PTPRZ1: variants seen among roughly 807,000 people sequenced by gnomAD.
PTPRZ1 encodes the protein receptor-type tyrosine-protein phosphatase zeta.
PTPRZ1 carries 82 observed loss-of-function variants against 214.1 expected under a neutral mutation model. That is an observed-to-expected ratio of 0.38 (90% CI 0.32 to 0.46). The LOEUF (loss-of-function observed/expected upper bound fraction) is 0.46. PTPRZ1 is among the 20% of genes least tolerant of loss of function. The pLI is 1.00. For missense variants in PTPRZ1, 2,603 were observed against 2,748.7 expected, an observed-to-expected ratio of 0.95 and a Z score of 1.19; for synonymous variants, 945 against 987.9, an observed-to-expected ratio of 0.96 and a Z score of 0.81.
At chr7:122,013,978 G>A in intron 12 of PTPRZ1, 89 bp downstream of exon 12, 1 of 1,146,628 alleles carries the variant, frequency 8.7e-7, no homozygotes, top group Non-Finnish European at 1.2e-6. Context: ...TAGAAATTTG[G>A]TAAAATGGTA....
At chr7:121,952,240 G>C (rs1323637966) in intron 2 of PTPRZ1, among the ~76,000 whole-genome samples, 1 of 149,930 alleles carries the variant, frequency 6.7e-6, no homozygotes, top group Non-Finnish European at 1.5e-5. Context: ...TTACAGGCGT[G>C]AGTCACCGCG....
intron 2 of PTPRZ1, among the ~76,000 whole-genome samples, chr7:121,954,262 C>A (rs530900978): frequency 1.3e-5 from 2 of 152,240 alleles, no homozygotes; most frequent in Non-Finnish European, 2.9e-5. Flanking sequence ...TAAACACCTT[C>A]AATAGCTTAC....
At chr7:121,939,255 AAT>A (rs1290365210) in intron 2 of PTPRZ1, among the ~76,000 whole-genome samples, 2 of 152,220 alleles carry the variant, frequency 1.3e-5, no homozygotes, top group Non-Finnish European at 2.9e-5. Flanking sequence ...TAAAAATCGT[AAT>A]GAATTGGAAA....
intron 8 of PTPRZ1, among the ~76,000 whole-genome samples, chr7:121,986,611 A>T (rs942423609): frequency 4.6e-5 from 7 of 152,156 alleles, no homozygotes. Context: ...ATTCCCTTAG[A>T]CTATGTGTGT....
chr7:122,010,954 A>T lies in PTPRZ1; in HGVS notation c.1908A>T (p.Ser636=). Residue 636 remains serine, a synonymous_variant, in exon 12 of 30, where the codon TCA becomes TCT. Transcript: ENST00000393386. ...GAAATGCTTCCGAAGATTCAACTTCATCAGGTTCAGAAGAATCACTAAAGG... is the reference window on the plus strand; with the variant it reads ...GAAATGCTTCCGAAGATTCAACTTCTTCAGGTTCAGAAGAATCACTAAAGG... ...SARNASEDST[S]SGSEESLKDP... The T allele has an allele frequency of 6.2e-7, 1 of 1,614,188 alleles. No homozygotes were observed. The highest frequency in any genetic ancestry group is 1.1e-5 in the South Asian group (1 of 91,090).
intron 1 of PTPRZ1, among the ~76,000 whole-genome samples, chr7:121,902,910 T>G (rs1362761846): frequency 6.6e-6 from 1 of 152,074 alleles, no homozygotes. Flanking sequence ...CAAGATTCCA[T>G]AGCCATGCAG....
chr7:122,012,779 G>A lies in PTPRZ1; in HGVS notation c.3733G>A (p.Asp1245Asn). 6.2e-7 allele frequency: 1 copy of A among 1,611,740 alleles called. No homozygotes were observed. Among genetic ancestry groups the A allele is most frequent in the Non-Finnish European group, 8.5e-7 (1 of 1,177,956 alleles). ...MLHSTSVPVF[D>N]VSPTSHMHSA... ...GCACTCTACATCTGTACCAGTTTTT[G>A]ATGTGTCGCCTACTTCTCATATGCA... The change falls in exon 12 of 30, where the codon GAT becomes AAT. Residue 1245 changes from aspartate to asparagine, a missense_variant. Asp to Asn is a conservative substitution (Grantham distance 23, BLOSUM62 1). Coordinates refer to ENST00000393386, the MANE Select transcript of PTPRZ1 (RefSeq NM_002851.3).
At chr7:121,921,889 A>G (rs889242892) in intron 1 of PTPRZ1, among the ~76,000 whole-genome samples, 1 of 152,228 alleles carries the variant, frequency 6.6e-6, no homozygotes, top group African/African-American at 2.4e-5. Context: ...AAACCATACT[A>G]TCTGAATTAC....
rs1799770574 is a variant in PTPRZ1, at chr7:122,042,685, A to G, written c.5879A>G (p.Asn1960Ser). The change falls in exon 22 of 30, where the codon AAC (asparagine) becomes AGC (serine). Residue 1960 changes from asparagine to serine, a missense_variant. Physicochemically the swap from Asn to Ser is conservative, Grantham distance 46. This residue lies in a region of PTPRZ1 where 1,913 missense variants were observed against 1,914.3 expected (regional missense o/e 1.00). Transcript: ENST00000393386. The part of the protein sequence containing the change: ...LQQIQHEGTV[N>S]IFGFLKHIRS... ...CAGATTCAACACGAAGGAACTGTCAACATATTTGGCTTCTTAAAACACATC... is the reference window on the plus strand; with the variant it reads ...CAGATTCAACACGAAGGAACTGTCAGCATATTTGGCTTCTTAAAACACATC... The G allele has an allele frequency of 6.2e-7, 1 of 1,613,806 alleles. No individual in the cohort carries two copies. Among genetic ancestry groups the G allele is most frequent in the Non-Finnish European group, 8.5e-7 (1 of 1,179,702 alleles).
At chr7:122,035,833 A>G (rs1799518579) in intron 17 of PTPRZ1, among the ~76,000 whole-genome samples, 1 of 152,242 alleles carries the variant, frequency 6.6e-6, no homozygotes, top group South Asian at 2.1e-4. Flanking sequence ...CCTTCAAGTA[A>G]TACTTTATTT....
At chr7:121,927,871 G>T (rs1453104321) in intron 1 of PTPRZ1, among the ~76,000 whole-genome samples, 1 of 152,120 alleles carries the variant, frequency 6.6e-6, no homozygotes, top group Admixed American at 6.6e-5. Flanking sequence ...CCTCTTTGGG[G>T]CTGAACCCCT....
intron 1 of PTPRZ1, among the ~76,000 whole-genome samples, chr7:121,906,872 CTT>C (rs1383998225): frequency 1.3e-5 from 2 of 152,072 alleles, no homozygotes; most frequent in African/African-American, 2.4e-5. Flanking sequence ...GTGAAATAAA[CTT>C]GAGTTGTATT....
chr7:121,994,289 C>CTTTT (rs35332072), intron 8 of PTPRZ1, among the ~76,000 whole-genome samples: 8,876 of 75,280 alleles, frequency 0.12, 2,323 homozygotes, highest in East Asian at 0.19. Flanking sequence ...TAATGCATTT[C>CTTTT]TTTTTTTTTT....
At chr7:121,983,620 T>C (rs764758161) in intron 6 of PTPRZ1, 45 bp from the exon 7 acceptor site, 1 of 1,542,054 alleles carries the variant, frequency 6.5e-7, no homozygotes, top group Admixed American at 1.9e-5. Context: ...ACAGCTAAGT[T>C]CCAGTGTTGA....
chr7:121,882,270 G>A (rs1271842431), intron 1 of PTPRZ1, among the ~76,000 whole-genome samples: 3 of 152,138 alleles, frequency 2.0e-5, no homozygotes, highest in East Asian at 1.9e-4. Flanking sequence ...AGATGCATAC[G>A]TAAGTAGGTC....
rs57009290 is a variant in PTPRZ1 at position 122,008,894 on chromosome 7, G to T, written c.1288-1440G>T. Among the ~76,000 whole-genome samples the T allele has an allele frequency of 3.8e-3, 576 of 152,182 alleles. 4 individuals carry two copies. The highest frequency in any genetic ancestry group is 0.013 in the African/African-American group (545 of 41,550). On this transcript the variant is annotated intron_variant, in intron 11 of 29. Coordinates refer to ENST00000393386, the MANE Select transcript of PTPRZ1 (RefSeq NM_002851.3). ...ACCAACCAATTTTCCCTAAAAGCAA[G>T]TCAAGGCAAATTATTCTCATTTCCT...
At chr7:122,037,324 C>T (rs1181683479) in intron 18 of PTPRZ1, among the ~76,000 whole-genome samples, 2 of 152,018 alleles carry the variant, frequency 1.3e-5, no homozygotes, top group Non-Finnish European at 2.9e-5. Flanking sequence ...TTTAAGTTTC[C>T]CATAGCTCCT....
Position 122,013,391 on chromosome 7 carries a change from A to C in PTPRZ1, c.4345A>C (p.Arg1449=). ...TAAGTGTATGTCATGCTCATCCTAT[A>C]GAGAATCACAGGAAAAGGTAATGAA... ...IHKCMSCSSY[R]ESQEKVMNDS... Residue 1449 remains arginine (R), a synonymous_variant, in exon 12 of 30, where the codon AGA becomes CGA. Coordinates refer to ENST00000393386, the MANE Select transcript of PTPRZ1 (RefSeq NM_002851.3). 1 of 1,614,216 alleles carries C rather than the reference A, an allele frequency of 6.2e-7. No individual in the cohort carries two copies. The highest frequency in any genetic ancestry group is 8.5e-7 in the Non-Finnish European group (1 of 1,180,040).
At chr7:122,034,892 C>T (rs1020320929) in intron 17 of PTPRZ1, among the ~76,000 whole-genome samples, 1 of 151,922 alleles carries the variant, frequency 6.6e-6, no homozygotes, top group Admixed American at 6.6e-5. Flanking sequence ...TTCTCTCTCC[C>T]TTTCTCCTCA....
Sources: gnomAD v4.1 joint callset for allele counts (sites outside exome capture counted in the v4.1 genomes callset) on GRCh38, gnomAD v4.1.1 for gene constraint, gnomAD v4.1.1 regional missense constraint, MANE v1.5 for transcripts, NCBI Gene and HGNC (gene_info 2026-07-23, HGNC 2026-07-21) for gene names.